The following PDE10A variants were observed in gnomAD, a reference collection of about 807,000 sequenced individuals.
The protein encoded by PDE10A is cAMP and cAMP-inhibited cGMP 3',5'-cyclic phosphodiesterase 10A.
PDE10A carries 39 observed loss-of-function variants against 97.7 expected under a neutral mutation model. That is an observed-to-expected ratio of 0.40 (90% CI 0.31 to 0.52). PDE10A has a LOEUF of 0.52. PDE10A is among the 20% of genes least tolerant of loss of function. The pLI, the probability that PDE10A is intolerant of heterozygous loss-of-function variation, is 0.56. For synonymous variants in PDE10A, 371 were observed against 376.8 expected (o/e 0.98, Z 0.18); for missense variants, 731 against 1,047.8 (o/e 0.70, Z 4.17).
At chr6:165,545,566 G>T (rs1239599767) in intron 1 of PDE10A, among the ~76,000 whole-genome samples, 2 of 151,878 alleles carry the variant, frequency 1.3e-5, no homozygotes, top group Non-Finnish European at 2.9e-5. Context: ...AAAAACACTC[G>T]TTAAACTCAA....
At chr6:165,716,326 G>A (rs981561832) in intron 1 of PDE10A, among the ~76,000 whole-genome samples, 1 of 152,212 alleles carries the variant, frequency 6.6e-6, no homozygotes, top group African/African-American at 2.4e-5. Context: ...ATACTGCAGG[G>A]CCATGCAGAG....
intron 1 of PDE10A, among the ~76,000 whole-genome samples, chr6:165,906,002 T>TC (rs1562791900): frequency 3.9e-5 from 2 of 51,262 alleles, no homozygotes; most frequent in Non-Finnish European, 3.6e-5. Context: ...CTTCCTTCCT[T>TC]CCTTCCTTCC....
chr6:165,373,715 G>A (rs1054578327), intron 18 of PDE10A, among the ~76,000 whole-genome samples: 2 of 152,110 alleles, frequency 1.3e-5, no homozygotes, highest in African/African-American at 4.8e-5. Context: ...ATGTGACCCA[G>A]CCATCCCATT....
chr6:165,421,162 C>T (rs1788665682), intron 10 of PDE10A, among the ~76,000 whole-genome samples: 2 of 152,122 alleles, frequency 1.3e-5, no homozygotes, highest in African/African-American at 2.4e-5. Flanking sequence ...TATGATGAGC[C>T]TGGGTGTGGT....
chr6:165,729,748 A>G (rs1792381956), intron 1 of PDE10A, among the ~76,000 whole-genome samples: 1 of 152,098 alleles, frequency 6.6e-6, no homozygotes, highest in East Asian at 1.9e-4. Flanking sequence ...TCTATTTGCT[A>G]TCAAATATTT....
chr6:165,804,775 G>T (rs879653580), intron 1 of PDE10A, among the ~76,000 whole-genome samples: 222 of 151,714 alleles, frequency 1.5e-3, no homozygotes, highest in Non-Finnish European at 2.3e-3. Context: ...GGCGGCGGGG[G>T]ACTGGGCGAC....
At chr6:165,712,453 T>C (rs1329720809) in intron 1 of PDE10A, among the ~76,000 whole-genome samples, 1 of 152,160 alleles carries the variant, frequency 6.6e-6, no homozygotes, top group Non-Finnish European at 1.5e-5. Context: ...GGCTCTGTGC[T>C]GTTTGCTCAG....
At position 165,735,143 on chromosome 6, in the gene PDE10A, G is replaced by A. The variant is rs1427902493; in HGVS notation, c.-614-191575C>T. Among the ~76,000 whole-genome samples, 6 of 151,998 alleles carry A rather than the reference G, an allele frequency of 3.9e-5. No homozygotes were observed. The East Asian group carries it at 1.2e-3, about 30-fold the overall frequency. On this transcript the variant is annotated intron_variant, in intron 1 of 19. Transcript: ENST00000366882. ...AGGTAGGTAGGTTGGTAGATAAATAGGTAGGTAGGTAGGTGGATCAATAGG... is the reference window on the plus strand; with the variant it reads ...AGGTAGGTAGGTTGGTAGATAAATAAGTAGGTAGGTAGGTGGATCAATAGG...
intron 18 of PDE10A, among the ~76,000 whole-genome samples, chr6:165,354,536 T>A (rs974116223): frequency 8.5e-5 from 13 of 152,210 alleles, no homozygotes; most frequent in Admixed American, 6.5e-5. Context: ...TTTGAATAAT[T>A]CAAATCAGTT....
chr6:165,494,885 C>T (rs916880891), intron 2 of PDE10A, among the ~76,000 whole-genome samples: 2 of 152,012 alleles, frequency 1.3e-5, no homozygotes. Context: ...TCCTTCAACA[C>T]TATCCATCTC....
chr6:165,632,200 C>CA (rs71552885), intron 1 of PDE10A, among the ~76,000 whole-genome samples: 864 of 67,092 alleles, frequency 0.013, 28 homozygotes, highest in African/African-American at 0.039. Context: ...GAGTCCATCT[C>CA]AAAAAAAAAA....
chr6:165,653,508 G>A (rs564318290), intron 1 of PDE10A, among the ~76,000 whole-genome samples: 1 of 152,310 alleles, frequency 6.6e-6, no homozygotes, highest in East Asian at 1.9e-4. Context: ...GAATCACACT[G>A]AGGAAGTGGA....
At chr6:165,917,645 A>G (rs1236959605) in intron 1 of PDE10A, among the ~76,000 whole-genome samples, 1 of 152,204 alleles carries the variant, frequency 6.6e-6, no homozygotes, top group African/African-American at 2.4e-5. Context: ...ATAAAGTAAA[A>G]GAAGAAAAAA....
At chr6:165,884,194 G>A (rs1233422999) in intron 1 of PDE10A, among the ~76,000 whole-genome samples, 3 of 152,210 alleles carry the variant, frequency 2.0e-5, no homozygotes, top group Non-Finnish European at 4.4e-5. Context: ...ATTGTGCTTT[G>A]GGGCACACGT....
At chr6:165,748,992 G>A (rs1792905575) in intron 1 of PDE10A, among the ~76,000 whole-genome samples, 1 of 152,172 alleles carries the variant, frequency 6.6e-6, no homozygotes, top group South Asian at 2.1e-4. Flanking sequence ...TATGTAAAAT[G>A]AGGATAATAA....
chr6:165,391,444 T>C (rs1785706610), intron 16 of PDE10A, among the ~76,000 whole-genome samples: 1 of 152,154 alleles, frequency 6.6e-6, no homozygotes, highest in Non-Finnish European at 1.5e-5. Flanking sequence ...GTTCTTAAAC[T>C]CACAAGGTAT....
intron 18 of PDE10A, among the ~76,000 whole-genome samples, chr6:165,354,708 G>A (rs997159810): frequency 6.6e-6 from 1 of 152,180 alleles, no homozygotes; most frequent in African/African-American, 2.4e-5. Context: ...AGGTGGAGGA[G>A]TCCACATCCT....
intron 13 of PDE10A, among the ~76,000 whole-genome samples, chr6:165,400,642 A>C (rs1160031797): frequency 6.6e-6 from 1 of 152,224 alleles, no homozygotes; most frequent in Non-Finnish European, 1.5e-5. Context: ...ACTTTGGTAA[A>C]CAGTTTGGCA....
In PDE10A at chr6:165,454,793, C is replaced by T. The variant is rs531173969; in HGVS notation, c.1024-4431G>A. On this transcript the variant is annotated intron_variant, in intron 3 of 21. Transcript: ENST00000539869. The stretch of plus-strand genomic sequence containing the variant: ...AGATAACAGTGTCCCTGGAACTGAA[C>T]GGCGCAGACTATTGACATATTTTTT... Among the ~76,000 whole-genome samples the T allele has an allele frequency of 4.6e-5, 7 of 152,266 alleles. No homozygotes were observed. The East Asian group carries it at 7.7e-4, about 17-fold the overall frequency.
Sources: gnomAD v4.1 joint callset for allele counts (sites outside exome capture counted in the v4.1 genomes callset) on GRCh38, gnomAD v4.1.1 for gene constraint, MANE v1.5 for transcripts, NCBI Gene and HGNC (gene_info 2026-07-23, HGNC 2026-07-21) for gene names.